Variants in CSMD1 observed in about 807,000 individuals in gnomAD.
The protein encoded by CSMD1 is CUB and sushi domain-containing protein 1.
A neutral mutation model predicts 417.5 loss-of-function variants in CSMD1; 213 were observed. That is an observed-to-expected ratio of 0.51 (90% CI 0.46 to 0.57). CSMD1 has a LOEUF of 0.57. Among genes scored for constraint, CSMD1 ranks in the 20% least tolerant of loss-of-function variants. CSMD1 has a pLI of 0.00. For missense variants in CSMD1, 6,923 were observed against 4,529.7 expected, an observed-to-expected ratio of 1.53 and a Z score of -15.17; for synonymous variants, 2,862 against 1,736.8, an observed-to-expected ratio of 1.65 and a Z score of -16.11.
chr8:3,288,465 C>T (rs189883879), intron 25 of CSMD1, among the ~76,000 whole-genome samples: 2 of 147,060 alleles, frequency 1.4e-5, no homozygotes, highest in East Asian at 3.9e-4. Context: ...TGATTATTGC[C>T]TCAATTTCAG....
At chr8:3,435,134 G>A (rs187017589) in intron 12 of CSMD1, among the ~76,000 whole-genome samples, 46 of 152,084 alleles carry the variant, frequency 3.0e-4, no homozygotes, top group African/African-American at 1.1e-3. Flanking sequence ...CTCACTCTGT[G>A]GCCTCAGTCA....
intron 3 of CSMD1, among the ~76,000 whole-genome samples, chr8:4,413,461 G>C (rs749175765): frequency 2.6e-5 from 4 of 152,098 alleles, no homozygotes; most frequent in Non-Finnish European, 5.9e-5. Flanking sequence ...TGACTTGATT[G>C]TCTTAAAGCT....
intron 3 of CSMD1, among the ~76,000 whole-genome samples, chr8:4,071,360 C>G (rs185704249): frequency 6.6e-6 from 1 of 151,938 alleles, no homozygotes; most frequent in African/African-American, 2.4e-5. Context: ...ACTCTTATGT[C>G]ATTTTGTATC....
chr8:3,404,062 G>A (rs1163963649), intron 15 of CSMD1, among the ~76,000 whole-genome samples: 1 of 152,128 alleles, frequency 6.6e-6, no homozygotes, highest in African/African-American at 2.4e-5. Context: ...TTTACGTGTA[G>A]TATTACCAGA....
chr8:3,085,993 C>A (rs1291595468), intron 49 of CSMD1, among the ~76,000 whole-genome samples: 2 of 152,170 alleles, frequency 1.3e-5, no homozygotes, highest in Non-Finnish European at 2.9e-5. Flanking sequence ...GAATCCCTTT[C>A]CTGTGTCCAG....
At chr8:3,638,523 T>C (rs1172749014) in intron 7 of CSMD1, among the ~76,000 whole-genome samples, 1 of 151,970 alleles carries the variant, frequency 6.6e-6, no homozygotes, top group East Asian at 1.9e-4. Context: ...ATATATTTGG[T>C]AATTCAGGAG....
intron 3 of CSMD1, among the ~76,000 whole-genome samples, chr8:4,377,176 G>A (rs1337309524): frequency 3.3e-5 from 5 of 152,134 alleles, no homozygotes; most frequent in Non-Finnish European, 4.4e-5. Flanking sequence ...TATAGTGCAT[G>A]GAATTGATTA....
At chr8:4,828,311 G>A (rs1308223253) in intron 1 of CSMD1, among the ~76,000 whole-genome samples, 1 of 152,116 alleles carries the variant, frequency 6.6e-6, no homozygotes, top group Non-Finnish European at 1.5e-5. Context: ...CAAATGTGCT[G>A]ACTTTTCTTA....
chr8:4,216,015 C>T (rs1800646852), intron 3 of CSMD1, among the ~76,000 whole-genome samples: 1 of 152,166 alleles, frequency 6.6e-6, no homozygotes. Flanking sequence ...CACAAATAGC[C>T]AGTCCTCTAA....
rs77871530 is a variant in CSMD1, at chr8:4,270,174, G to A, written c.415+149779C>T. The stretch of plus-strand genomic sequence containing the variant: ...GACGAGAGACTTGAAGGAGGCAAGC[G>A]GTTAGAAAGGAGTTGACATAGCCGC... On this transcript the variant is annotated intron_variant, in intron 3 of 69. Transcript: ENST00000635120. 4.9e-3 allele frequency among the ~76,000 whole-genome samples: 743 copies of A among 152,198 alleles called. 24 individuals carry two copies. In the East Asian group the frequency reaches 0.096, roughly 20 times the overall value.
intron 3 of CSMD1, among the ~76,000 whole-genome samples, chr8:4,339,478 C>G (rs374755296): frequency 1.3e-5 from 2 of 152,020 alleles, no homozygotes; most frequent in African/African-American, 2.4e-5. Context: ...AAATGAGATA[C>G]TGGAGCTGAG....
chr8:3,485,796 AT>A (rs1817997991), intron 11 of CSMD1, among the ~76,000 whole-genome samples: 2 of 149,200 alleles, frequency 1.3e-5, no homozygotes, highest in African/African-American at 4.9e-5. Context: ...ATAAAATAAA[AT>A]AAAATAAAAT....
intron 41 of CSMD1, chr8:3,128,140 A>G (rs1478673890): frequency 6.6e-6 from 1 of 152,212 alleles, no homozygotes; most frequent in Non-Finnish European, 1.5e-5. Flanking sequence ...AACACAGAGA[A>G]TTTTATCTTT....
intron 3 of CSMD1, among the ~76,000 whole-genome samples, chr8:4,106,672 C>T (rs1485729941): frequency 6.6e-6 from 1 of 152,052 alleles, no homozygotes; most frequent in Non-Finnish European, 1.5e-5. Context: ...AACAGTAAAA[C>T]ATTTTCTTTA....
At chr8:4,776,927 T>A (rs1308495086) in intron 1 of CSMD1, among the ~76,000 whole-genome samples, 1 of 152,208 alleles carries the variant, frequency 6.6e-6, no homozygotes, top group Non-Finnish European at 1.5e-5. Context: ...TTACTAAGAT[T>A]AAAGGCACTG....
chr8:3,240,244 G>A (rs552878860), intron 26 of CSMD1, among the ~76,000 whole-genome samples: 1 of 152,134 alleles, frequency 6.6e-6, no homozygotes, highest in African/African-American at 2.4e-5. Context: ...ATGAGACAGG[G>A]AGAGCTAGGA....
chr8:4,104,675 C>G (rs1170290569), intron 3 of CSMD1, among the ~76,000 whole-genome samples: 2 of 152,150 alleles, frequency 1.3e-5, no homozygotes, highest in African/African-American at 4.8e-5. Flanking sequence ...ACTAGTAAAA[C>G]AGCACAGTTC....
At chr8:3,718,924 C>G (rs372477051) in intron 6 of CSMD1, among the ~76,000 whole-genome samples, 39 of 151,964 alleles carry the variant, frequency 2.6e-4, no homozygotes, top group Non-Finnish European at 5.3e-4. Flanking sequence ...CAATTTAAAC[C>G]TTTTCCCTCC....
At chr8:3,169,089 G>C (rs902935042) in intron 37 of CSMD1, among the ~76,000 whole-genome samples, 1 of 152,194 alleles carries the variant, frequency 6.6e-6, no homozygotes. Context: ...ACCTGGACCA[G>C]TATCCTCATT....
Sources: gnomAD v4.1 joint callset for allele counts (sites outside exome capture counted in the v4.1 genomes callset) on GRCh38, gnomAD v4.1.1 for gene constraint, MANE v1.5 for transcripts, NCBI Gene and HGNC (gene_info 2026-07-23, HGNC 2026-07-21) for gene names.